Variants in KLHL6 observed in about 807,000 individuals in gnomAD.
The protein encoded by KLHL6 is kelch-like protein 6.
Under a neutral mutation model 58.6 loss-of-function variants are expected in KLHL6, and 41 were observed. The observed-to-expected ratio is 0.70, with a 90% CI of 0.55 to 0.91. The LOEUF (loss-of-function observed/expected upper bound fraction) is 0.91. Ranked by LOEUF, KLHL6 falls within the 40% of genes least tolerant of loss-of-function variation. The pLI is 0.00. For missense variants in KLHL6, 714 were observed against 805.6 expected (o/e 0.89, Z 1.38); for synonymous variants, 338 against 322.7 (o/e 1.05, Z -0.51).
intron 2 of KLHL6, among the ~76,000 whole-genome samples, chr3:183,514,374 C>T (rs1711506809): frequency 6.6e-6 from 1 of 152,112 alleles, no homozygotes. Context: ...CACCCATCTC[C>T]TCACCTCCTC....
chr3:183,531,578 C>G (rs900399676), intron 1 of KLHL6, among the ~76,000 whole-genome samples: 4 of 151,264 alleles, frequency 2.6e-5, no homozygotes, highest in African/African-American at 9.7e-5. Context: ...TCCCAAGTAG[C>G]TGGAACTACA....
chr3:183,489,505 T>C lies in KLHL6; in HGVS notation c.*2422A>G, dbSNP rs1250698625. The C allele has an allele frequency of 2.0e-5, 3 of 152,216 alleles. No individual in the cohort carries two copies. The highest frequency in any genetic ancestry group is 4.8e-5 in the African/African-American group (2 of 41,448). The allele number at this position is 152,216 out of a possible 1,614,324, so 9.4% of individuals were successfully genotyped here. A position where few individuals can be genotyped will look rare whatever the true frequency, so the allele number is the denominator to read the frequency against. ...GGCCTATTTACCTGTATTGAGTGTC[T>C]AGCGTGGAGATTTGCCATTCGTGGG... On this transcript the variant is annotated 3_prime_UTR_variant, in exon 7 of 7. Transcript: ENST00000341319.
intron 1 of KLHL6, among the ~76,000 whole-genome samples, chr3:183,542,601 C>T (rs57950484): frequency 0.11 from 16,752 of 152,148 alleles, 1,568 homozygotes; most frequent in African/African-American, 0.25. Context: ...TGATTTAATG[C>T]CCTTCTGTAA....
chr3:183,555,125 A>G (rs1176952392), intron 1 of KLHL6, among the ~76,000 whole-genome samples: 4 of 152,194 alleles, frequency 2.6e-5, no homozygotes, highest in Admixed American at 2.0e-4. Flanking sequence ...AGATTGCGCC[A>G]TTGCACTCCA....
chr3:183,491,612 G>A lies in KLHL6; in HGVS notation c.*315C>T, dbSNP rs1279315336. 2 of 262,832 alleles carry A rather than the reference G, an allele frequency of 7.6e-6. No individual in the cohort carries two copies. The highest frequency in any genetic ancestry group is 1.4e-5 in the Non-Finnish European group (2 of 139,622). 16.3% of individuals were successfully genotyped at this position (262,832 alleles called of 1,614,324 possible). A position where few individuals can be genotyped will look rare whatever the true frequency, so the allele number is the denominator to read the frequency against. On this transcript the variant is annotated 3_prime_UTR_variant, in exon 7 of 7. Transcript: ENST00000341319. ...CTCACCTGTAAACTAGAAGTGATAA[G>A]AGCCAGTCACCAGGTTAAATGAACC...
At chr3:183,550,436 C>T (rs1024202619) in intron 1 of KLHL6, among the ~76,000 whole-genome samples, 2 of 152,120 alleles carry the variant, frequency 1.3e-5, no homozygotes, top group Admixed American at 6.5e-5. Flanking sequence ...CACACACACA[C>T]ACGCACGCAC....
chr3:183,525,866 G>C (rs1397297987), intron 2 of KLHL6, among the ~76,000 whole-genome samples: 3 of 152,224 alleles, frequency 2.0e-5, no homozygotes, highest in Non-Finnish European at 4.4e-5. Flanking sequence ...AGAAAAAATG[G>C]AAGCCTGAGT....
chr3:183,538,876 T>A, intron 1 of KLHL6, among the ~76,000 whole-genome samples: 1 of 152,208 alleles, frequency 6.6e-6, no homozygotes, highest in Admixed American at 6.5e-5. Context: ...AATACTGGAG[T>A]CCTGCTTACA....
At chr3:183,503,038 A>G (rs767595060) in intron 3 of KLHL6, among the ~76,000 whole-genome samples, 10 of 152,354 alleles carry the variant, frequency 6.6e-5, no homozygotes, top group Non-Finnish European at 1.2e-4. Context: ...ACAAATGTCA[A>G]TCTGAAGTCT....
chr3:183,521,752 G>A (rs1480703432), intron 2 of KLHL6: 8 of 146,610 alleles, frequency 5.5e-5, no homozygotes, highest in African/African-American at 2.0e-4. Flanking sequence ...GGAGTGCAAT[G>A]GTGTGATCTC....
intron 3 of KLHL6, among the ~76,000 whole-genome samples, chr3:183,503,817 G>A (rs888022577): frequency 9.2e-5 from 14 of 152,158 alleles, no homozygotes; most frequent in African/African-American, 3.4e-4. Context: ...AAATGGGAAA[G>A]ATGATGATAG....
At chr3:183,510,140 G>T (rs544856089) in intron 2 of KLHL6, among the ~76,000 whole-genome samples, 7 of 152,104 alleles carry the variant, frequency 4.6e-5, no homozygotes, top group East Asian at 1.9e-4. Context: ...CAAATGCATT[G>T]GTTCATTCTT....
At chr3:183,515,150 CAA>C (rs1433736801) in intron 2 of KLHL6, among the ~76,000 whole-genome samples, 5 of 152,304 alleles carry the variant, frequency 3.3e-5, no homozygotes, top group South Asian at 2.1e-4. Flanking sequence ...AAAACCAACA[CAA>C]GAGAGAGAGC....
intron 1 of KLHL6, among the ~76,000 whole-genome samples, chr3:183,552,951 G>A: frequency 6.6e-6 from 1 of 152,108 alleles, no homozygotes; most frequent in East Asian, 1.9e-4. Flanking sequence ...TCCCTGCCTT[G>A]TCAGGTTGTT....
At chr3:183,544,163 C>CAAAAAAAA (rs56357226) in intron 1 of KLHL6, among the ~76,000 whole-genome samples, 5 of 56,956 alleles carry the variant, frequency 8.8e-5, no homozygotes, top group African/African-American at 1.2e-4. Flanking sequence ...AACTCAGTCT[C>CAAAAAAAA]AAAAAAAAAA....
intron 1 of KLHL6, among the ~76,000 whole-genome samples, chr3:183,545,572 T>A (rs1336276857): frequency 6.6e-6 from 1 of 152,222 alleles, no homozygotes; most frequent in African/African-American, 2.4e-5. Flanking sequence ...GATCTCTCTA[T>A]GAAGAGGCCT....
At chr3:183,551,345 G>A (rs1410938355) in intron 1 of KLHL6, among the ~76,000 whole-genome samples, 1 of 152,122 alleles carries the variant, frequency 6.6e-6, no homozygotes, top group Non-Finnish European at 1.5e-5. Flanking sequence ...ATGCAAGGCA[G>A]GAGGATTCTG....
At chr3:183,503,227 A>G (rs1396076646) in intron 3 of KLHL6, among the ~76,000 whole-genome samples, 2 of 152,250 alleles carry the variant, frequency 1.3e-5, no homozygotes, top group African/African-American at 4.8e-5. Context: ...TTGTTTCAGC[A>G]AAGCTGTCCT....
chr3:183,521,851 A>C (rs1181467338), intron 2 of KLHL6: 1 of 150,874 alleles, frequency 6.6e-6, no homozygotes, highest in Non-Finnish European at 1.5e-5. Context: ...CCGCCACTAC[A>C]CCTGGCTAAT....
Sources: allele counts gnomAD v4.1 joint callset (sites outside exome capture counted in the v4.1 genomes callset), GRCh38; gene constraint gnomAD v4.1.1; transcripts MANE v1.5; gene names NCBI Gene and HGNC (gene_info 2026-07-23, HGNC 2026-07-21).